The following TUBGCP2 variants were observed in gnomAD, a reference collection of about 807,000 sequenced individuals.
TUBGCP2 encodes gamma-tubulin complex component 2.
TUBGCP2 carries 55 observed loss-of-function variants against 92.2 expected under a neutral mutation model. That is an observed-to-expected ratio of 0.60 (90% CI 0.48 to 0.75). The LOEUF is 0.75. Among genes scored for constraint, TUBGCP2 ranks in the 30% least tolerant of loss-of-function variants. The pLI is 0.00. For missense variants in TUBGCP2, 1,093 were observed against 1,188.9 expected, an observed-to-expected ratio of 0.92 and a Z score of 1.19; for synonymous variants, 533 against 505.2, an observed-to-expected ratio of 1.06 and a Z score of -0.74.
intron 5 of TUBGCP2, among the ~76,000 whole-genome samples, chr10:133,296,341 T>C (rs1236934112): frequency 6.6e-6 from 1 of 152,120 alleles, no homozygotes; most frequent in Non-Finnish European, 1.5e-5. Flanking sequence ...CTGGGTACCA[T>C]CAGGAGCTCT....
In TUBGCP2 at chr10:133,299,600, G is replaced by A. The variant is rs201842511; in HGVS notation, c.283C>T (p.Leu95=). ...LSKLTEDKET[L]QYLQQNAKER... ...TTTGCATTCTGTTGTAAGTACTGCAGAGTCTGAAAACATGTAAAACTGTGT... is the reference window on the plus strand; with the variant it reads ...TTTGCATTCTGTTGTAAGTACTGCAAAGTCTGAAAACATGTAAAACTGTGT... Residue 95 remains leucine, a synonymous_variant, in exon 4 of 18, where the codon CTG becomes TTG. Transcript: ENST00000252936. 1.2e-6 allele frequency: 2 copies of A among 1,605,612 alleles called. No homozygotes were observed. Among genetic ancestry groups the A allele is most frequent in the East Asian group, 2.2e-5 (1 of 44,702 alleles).
chr10:133,280,987 A>T (rs1437345630), intron 17 of TUBGCP2, among the ~76,000 whole-genome samples: 2 of 136,538 alleles, frequency 1.5e-5, no homozygotes, highest in African/African-American at 5.7e-5. Context: ...TGCTGGACTG[A>T]GCTGAGGAAG....
upstream of TUBGCP2, chr10:133,308,882 G>A: frequency 8.4e-7 from 1 of 1,196,566 alleles, no homozygotes; most frequent in East Asian, 3.5e-5. Context: ...TGAGCGTGAC[G>A]TCACGTCCGG....
chr10:133,297,946 A>T lies in TUBGCP2; in HGVS notation c.616+6T>A. Reference sequence around the variant, plus strand: ...GGCAGAGCCCGGAAATCAACGCATCACGTACCTATCGGCAAAGCGGTGTCT... The same window carrying T: ...GGCAGAGCCCGGAAATCAACGCATCTCGTACCTATCGGCAAAGCGGTGTCT... On this transcript the variant is annotated splice_donor_region_variant and intron_variant, in intron 5 of 17. Coordinates refer to ENST00000252936, the MANE Select transcript of TUBGCP2 (RefSeq NM_006659.4). 2 of 1,612,748 alleles carry T rather than the reference A, an allele frequency of 1.2e-6. No homozygotes were observed. The highest frequency in any genetic ancestry group is 2.2e-5 in the South Asian group (2 of 91,030).
chr10:133,297,817 C>T, intron 5 of TUBGCP2, 135 bp downstream of exon 5: 1 of 1,352,360 alleles, frequency 7.4e-7, no homozygotes, highest in Non-Finnish European at 1.0e-6. Context: ...AAAGGCAGGC[C>T]CGGGGGAGGG....
chr10:133,305,223 T>C (rs538136075), intron 1 of TUBGCP2, among the ~76,000 whole-genome samples: 209 of 152,260 alleles, frequency 1.4e-3, no homozygotes, highest in Admixed American at 2.4e-3. Flanking sequence ...GTAGCAAAAT[T>C]AGTGAAAGTA....
In TUBGCP2 at chr10:133,289,855, C is replaced by T; in HGVS notation, c.1329G>A (p.Leu443=). The change falls in exon 9 of 18, where the codon CTG becomes CTA. Residue 443 remains leucine (L), a synonymous_variant. Transcript: ENST00000252936. ...TGAGGATCTTGTCCGCCATTTTCTG[C>T]AGGAAGGACGGGATCTGCTGCTGGA... ...TIVQQQIPSF[L]QKMADKILST... The T allele has an allele frequency of 1.8e-6, 2 of 1,131,942 alleles. No homozygotes were observed. The highest frequency in any genetic ancestry group is 2.3e-6 in the Non-Finnish European group (2 of 863,936). 70.1% of individuals were successfully genotyped at this position (1,131,942 alleles called of 1,614,324 possible).
At chr10:133,289,058 G>A (rs1236184321) in intron 9 of TUBGCP2, 38 bp from the exon 10 acceptor site, 1 of 1,589,882 alleles carries the variant, frequency 6.3e-7, no homozygotes, top group East Asian at 2.2e-5. Flanking sequence ...TTCTCCACAT[G>A]GTCGATCTCA....
At position 133,307,894 on chromosome 10, in the gene TUBGCP2, G is replaced by A. The variant is rs554547223; in HGVS notation, c.-40+929C>T. Among the ~76,000 whole-genome samples the A allele has an allele frequency of 2.6e-5, 4 of 152,320 alleles. No individual in the cohort carries two copies. In the South Asian group the frequency reaches 8.3e-4, roughly 32 times the overall value. On this transcript the variant is annotated intron_variant, in intron 1 of 17. Transcript: ENST00000252936. ...CGTGGGCTACAAACCTGCCCAGCAG[G>A]TGGCGGTGCTGAACACTAGACAACT...
At chr10:133,280,601 A>C (rs1214753346) in intron 17 of TUBGCP2, among the ~76,000 whole-genome samples, 1 of 152,218 alleles carries the variant, frequency 6.6e-6, no homozygotes, top group Non-Finnish European at 1.5e-5. Context: ...GCCCAGTTGC[A>C]CAGAATGTCA....
intron 2 of TUBGCP2, chr10:133,301,730 T>C (rs1018934162): frequency 3.7e-5 from 4 of 108,322 alleles, no homozygotes; most frequent in Non-Finnish European, 3.7e-5. Context: ...TTTTTTTTTT[T>C]GAGACAGAGT....
chr10:133,309,164 C>T (rs1325912601), upstream of TUBGCP2: 3 of 1,367,190 alleles, frequency 2.2e-6, no homozygotes, highest in Non-Finnish European at 9.5e-7. Flanking sequence ...GAGGCGGGGC[C>T]GGAGCCTGGA....
In TUBGCP2 at chr10:133,288,177, C is replaced by A. The variant is rs368962302; in HGVS notation, c.1674G>T (p.Ala558=). The A allele has an allele frequency of 1.9e-6, 3 of 1,613,792 alleles. No homozygotes were observed. The highest frequency in any genetic ancestry group is 1.7e-6 in the Non-Finnish European group (2 of 1,179,960). ...PPRLEALLEL[A]LRMSTANTDP... is the part of the protein sequence containing the mutation. ...CAGTGTTGGCCGTGCTCATGCGCAGCGCCAGCTCCAGGAGCGCTTCCAGGC... is the reference window on the plus strand; with the variant it reads ...CAGTGTTGGCCGTGCTCATGCGCAGAGCCAGCTCCAGGAGCGCTTCCAGGC... The change falls in exon 11 of 18, where the codon GCG becomes GCT. Residue 558 remains alanine, a synonymous_variant. Coordinates refer to ENST00000252936, the MANE Select transcript of TUBGCP2 (RefSeq NM_006659.4).
upstream of TUBGCP2, chr10:133,309,283 G>A (rs941824091): frequency 7.0e-7 from 1 of 1,422,734 alleles, no homozygotes; most frequent in Admixed American, 2.1e-5. Flanking sequence ...AGGCTGTGGG[G>A]CGGGACCGGA....
At chr10:133,289,297 G>A (rs1847212269) in intron 9 of TUBGCP2, among the ~76,000 whole-genome samples, 1 of 152,216 alleles carries the variant, frequency 6.6e-6, no homozygotes, top group Non-Finnish European at 1.5e-5. Flanking sequence ...TGCACATCTG[G>A]AATTTTCTAA....
At chr10:133,309,419 C>G (rs1387971368), upstream of TUBGCP2, 11 of 1,612,328 alleles carry the variant, frequency 6.8e-6, no homozygotes, top group Non-Finnish European at 8.5e-6. Context: ...ACCTCTACCT[C>G]CAGGACGTGA....
At position 133,282,312 on chromosome 10, in the gene TUBGCP2, C is replaced by T. The variant is rs777534558; in HGVS notation, c.2320G>A (p.Glu774Lys). ...TGCTCCAGCGTCTGCCCGCCCAGCT[C>T]GCCATCTAATTTCATGCTCTGTGTA... is the stretch of plus-strand genomic sequence containing the variant. ...KFTQSMKLDG[E>K]LGGQTLEHST... Residue 774 changes from glutamate to lysine, a missense_variant, in exon 16 of 18, where the codon GAG becomes AAG. This residue lies in a region of TUBGCP2 where 598 missense variants were observed against 675.5 expected (regional missense o/e 0.89). Coordinates refer to ENST00000252936, the MANE Select transcript of TUBGCP2 (RefSeq NM_006659.4). 28 of 1,605,624 alleles carry T rather than the reference C, an allele frequency of 1.7e-5. No individual in the cohort carries two copies. Among genetic ancestry groups the T allele is most frequent in the African/African-American group, 1.6e-4 (12 of 74,680 alleles).
chr10:133,283,339 AT>A, intron 14 of TUBGCP2, 118 bp from the exon 15 acceptor site: 1 of 1,422,146 alleles, frequency 7.0e-7, no homozygotes, highest in Non-Finnish European at 9.6e-7. Flanking sequence ...TACCTCTTAA[AT>A]GGGCCTTGGG....
chr10:133,284,086 G>A, intron 13 of TUBGCP2, 84 bp from the exon 14 acceptor site: 2 of 1,559,556 alleles, frequency 1.3e-6, no homozygotes, highest in Non-Finnish European at 1.7e-6. Flanking sequence ...ACGGAGGACA[G>A]CCATGGAGGA....
Sources: gnomAD v4.1 joint callset for allele counts (sites outside exome capture counted in the v4.1 genomes callset) on GRCh38, gnomAD v4.1.1 for gene constraint, gnomAD v4.1.1 regional missense constraint, MANE v1.5 for transcripts, NCBI Gene and HGNC (gene_info 2026-07-23, HGNC 2026-07-21) for gene names.